BLM: variants seen among roughly 807,000 people sequenced by gnomAD.
The protein encoded by BLM is recQ-like DNA helicase BLM.
A neutral mutation model predicts 135.3 loss-of-function variants in BLM; 95 were observed. That is an observed-to-expected ratio of 0.70 (90% CI 0.59 to 0.83). The LOEUF (loss-of-function observed/expected upper bound fraction) is 0.83. Ranked by LOEUF, BLM falls within the 40% of genes least tolerant of loss-of-function variation. The pLI is 0.00. For missense variants in BLM, 1,518 were observed against 1,663.9 expected (o/e 0.91, Z 1.53); for synonymous variants, 520 against 589.2 (o/e 0.88, Z 1.70).
At chr15:90,773,364 G>A (rs1896379375) in intron 12 of BLM, among the ~76,000 whole-genome samples, 3 of 151,996 alleles carry the variant, frequency 2.0e-5, no homozygotes, top group Admixed American at 1.3e-4. Context: ...AGGTTGCAGT[G>A]ATCCAAGATC....
chr15:90,719,866 C>T (rs1254491552), intron 1 of BLM, among the ~76,000 whole-genome samples: 1 of 152,140 alleles, frequency 6.6e-6, no homozygotes, highest in Non-Finnish European at 1.5e-5. Flanking sequence ...GTCTCCACTA[C>T]CTGTAGGATA....
At chr15:90,769,691 C>T (rs1896250971) in intron 12 of BLM, 105 bp downstream of exon 12, 1 of 1,352,496 alleles carries the variant, frequency 7.4e-7, no homozygotes, top group South Asian at 1.3e-5. Context: ...ACCCCACCCC[C>T]ACCCCACCCC....
intron 14 of BLM, 95 bp downstream of exon 14, chr15:90,785,176 A>G: frequency 7.4e-7 from 1 of 1,344,306 alleles, no homozygotes; most frequent in Non-Finnish European, 1.0e-6. Flanking sequence ...TTTACCTTGA[A>G]GGTAGTAAAC....
intron 21 of BLM, 63 bp downstream of exon 21, chr15:90,811,469 G>C (rs1240887143): frequency 1.7e-5 from 26 of 1,512,540 alleles, no homozygotes; most frequent in Admixed American, 3.4e-5. Flanking sequence ...AAGTGCAACA[G>C]CTCTGCCTTG....
intron 12 of BLM, among the ~76,000 whole-genome samples, chr15:90,781,365 C>G (rs10220860): frequency 0.042 from 6,421 of 152,252 alleles, 161 homozygotes; most frequent in Non-Finnish European, 0.054. Flanking sequence ...TGGCTCACAC[C>G]TGTAATCCCA....
rs1596228852 is a variant in BLM at position 90,760,182 on chromosome 15, G to A, written c.1123G>A (p.Val375Met). The change falls in exon 6 of 22, where the codon GTG becomes ATG. Residue 375 changes from valine (V) to methionine (M), a missense_variant. By Grantham distance (21) the Val-to-Met change is conservative. Transcript: ENST00000355112. ...QISLQQQLIHVMEHICKLIDT... is the reference protein window; with the variant it reads ...QISLQQQLIHMMEHICKLIDT... Reference sequence around the variant, plus strand: ...AAGTTTACAGCAGCAGCTTATTCATGTGATGGAGCACATCTGTAAATTAAT... The same window carrying A: ...AAGTTTACAGCAGCAGCTTATTCATATGATGGAGCACATCTGTAAATTAAT... 3 of 1,612,406 alleles carry A rather than the reference G, an allele frequency of 1.9e-6. No homozygotes were observed. The highest frequency in any genetic ancestry group is 2.5e-6 in the Non-Finnish European group (3 of 1,178,742).
chr15:90,768,605 A>G (rs1896204050), intron 10 of BLM, among the ~76,000 whole-genome samples: 1 of 152,264 alleles, frequency 6.6e-6, no homozygotes, highest in Admixed American at 6.5e-5. Context: ...CTAACCTGCT[A>G]AATAAGCTGT....
chr15:90,728,426 T>TCA, intron 1 of BLM, among the ~76,000 whole-genome samples: 1 of 152,310 alleles, frequency 6.6e-6, no homozygotes, highest in African/African-American at 2.4e-5. Flanking sequence ...AGACAGGGTC[T>TCA]CACTCTGTCA....
At chr15:90,790,987 AT>A in intron 15 of BLM, 143 bp downstream of exon 15, 2 of 791,292 alleles carry the variant, frequency 2.5e-6, no homozygotes, top group Non-Finnish European at 4.1e-6. Flanking sequence ...TGGCAATTTT[AT>A]TTTAGTTCAT....
At position 90,767,028 on chromosome 15, in the gene BLM, G is replaced by A. The variant is rs1596236061; in HGVS notation, c.2307+5G>A. The A allele has an allele frequency of 1.4e-6, 2 of 1,468,256 alleles. No homozygotes were observed. The highest frequency in any genetic ancestry group is 1.9e-6 in the Non-Finnish European group (2 of 1,055,146). The allele number at this position is 1,468,256 out of a possible 1,614,324, so 91.0% of individuals were successfully genotyped here. On this transcript the variant is annotated splice_donor_5th_base_variant and intron_variant, in intron 10 of 21. Transcript: ENST00000355112. ...CTATATGTCACTCCAGAAAAGGTTT[G>A]TATTTATATCATTATTTTAAAATAT...
rs202103556 is a variant in BLM, at chr15:90,760,253, C to T, written c.1194C>T (p.Asn398=). The change falls in exon 6 of 22, where the codon AAC becomes AAT. Residue 398 remains asparagine, a synonymous_variant. Coordinates refer to ENST00000355112, the MANE Select transcript of BLM (RefSeq NM_000057.4). ...AACTGAAACTTTTGGATTGTGGGAA[C>T]GAACTGCTTCAGCAGCGGAACATAA... is the stretch of plus-strand genomic sequence containing the variant. ...DDKLKLLDCG[N]ELLQQRNIRR... is the part of the protein sequence containing the mutation. 80 of 1,613,932 alleles carry T rather than the reference C, an allele frequency of 5.0e-5. No homozygotes were observed. Among genetic ancestry groups the T allele is most frequent in the East Asian group, 1.6e-4 (7 of 44,882 alleles).
chr15:90,776,246 C>G (rs1245914293), intron 12 of BLM, among the ~76,000 whole-genome samples: 2 of 152,024 alleles, frequency 1.3e-5, no homozygotes, highest in African/African-American at 4.8e-5. Flanking sequence ...TTGTGGTAAG[C>G]AAAGAATTGG....
chr15:90,737,286 T>C (rs1190189435), intron 1 of BLM, among the ~76,000 whole-genome samples: 1 of 152,082 alleles, frequency 6.6e-6, no homozygotes, highest in Non-Finnish European at 1.5e-5. Flanking sequence ...AATTTTAAGA[T>C]AGATGGATAG....
At chr15:90,751,516 C>T (rs144577104) in intron 3 of BLM, among the ~76,000 whole-genome samples, 30 of 152,306 alleles carry the variant, frequency 2.0e-4, no homozygotes, top group Middle Eastern at 3.4e-3. Flanking sequence ...ATAGCAAATA[C>T]GTGTTTCGTA....
chr15:90,770,411 C>G (rs774490016), intron 12 of BLM, among the ~76,000 whole-genome samples: 3 of 152,102 alleles, frequency 2.0e-5, no homozygotes, highest in Non-Finnish European at 4.4e-5. Flanking sequence ...CTCCTGACCT[C>G]GTGATCCGCC....
chr15:90,737,428 T>C (rs1276911835), intron 1 of BLM, among the ~76,000 whole-genome samples: 4 of 152,134 alleles, frequency 2.6e-5, no homozygotes, highest in African/African-American at 7.2e-5. Context: ...GTCTTAGATT[T>C]TAAAGATTTT....
intron 21 of BLM, among the ~76,000 whole-genome samples, chr15:90,812,721 A>G (rs561966252): frequency 9.2e-5 from 14 of 152,352 alleles, no homozygotes; most frequent in South Asian, 6.2e-4. Flanking sequence ...TCTGAGTAAT[A>G]AAAAACAAGA....
At position 90,794,236 on chromosome 15, in the gene BLM, G is replaced by A. The variant is rs1397630614; in HGVS notation, c.3089G>A (p.Cys1030Tyr). ...FNNLYSMVHYCENITECRRIQ... is the reference protein window; with the variant it reads ...FNNLYSMVHYYENITECRRIQ... ...AATTTGTATAGCATGGTACATTACT[G>A]TGAAAATATAACGGAATGCAGGAGA... The change falls in exon 16 of 22, where the codon TGT (cysteine) becomes TAT (tyrosine). Residue 1030 changes from cysteine (C) to tyrosine (Y), a missense_variant. By Grantham distance (194) the Cys-to-Tyr change is radical. Around this residue, in one of 5 missense-constraint regions of BLM, gnomAD observed 626 missense variants for 681.1 expected, o/e 0.92. Transcript: ENST00000355112. 6 of 1,606,094 alleles carry A rather than the reference G, an allele frequency of 3.7e-6. No homozygotes were observed. The highest frequency in any genetic ancestry group is 1.1e-5 in the South Asian group (1 of 89,472).
Position 90,790,835 on chromosome 15 carries a change from C to CTTA in BLM, c.3012_3014dup (p.Ile1005dup). On this transcript the variant is annotated inframe_insertion, in exon 15 of 22. Coordinates refer to ENST00000355112, the MANE Select transcript of BLM (RefSeq NM_000057.4). ...TCATGATGTGACCAGACTGAAAAGA[C>CTTA]TTATAATGAGTAAGCTGGGCTCCAT... 1.2e-6 allele frequency: 2 copies of CTTA among 1,613,666 alleles called. No individual in the cohort carries two copies. Among genetic ancestry groups the CTTA allele is most frequent in the Non-Finnish European group, 1.7e-6 (2 of 1,179,570 alleles).
Sources: allele counts gnomAD v4.1 joint callset (sites outside exome capture counted in the v4.1 genomes callset), GRCh38; gene constraint gnomAD v4.1.1; regional missense constraint gnomAD v4.1.1; transcripts MANE v1.5; gene names NCBI Gene and HGNC (gene_info 2026-07-23, HGNC 2026-07-21).